The following PSMD8 variants were observed in gnomAD, a reference collection of about 807,000 sequenced individuals.
PSMD8 encodes proteasome 26S subunit, non-ATPase 8.
PSMD8 carries 30 observed loss-of-function variants against 40.0 expected under a neutral mutation model. The observed-to-expected ratio is 0.75, with a 90% CI of 0.56 to 1.02. PSMD8 has a LOEUF of 1.02. Among genes scored for constraint, PSMD8 ranks in the 50% least tolerant of loss-of-function variants. PSMD8 has a pLI of 0.00. For synonymous variants in PSMD8, 208 were observed against 192.5 expected (o/e 1.08, Z -0.67); for missense variants, 461 against 463.9 (o/e 0.99, Z 0.06).
intron 6 of PSMD8, chr19:38,382,983 C>G (rs936321617): frequency 4.8e-6 from 2 of 420,452 alleles, no homozygotes; most frequent in African/African-American, 3.9e-5. Context: ...ACTGATCTGT[C>G]ACTCAGGCCA....
chr19:38,376,270 G>A (rs1463835975), intron 2 of PSMD8, 38 bp downstream of exon 2: 1 of 1,557,810 alleles, frequency 6.4e-7, no homozygotes, highest in Non-Finnish European at 8.7e-7. Flanking sequence ...TGATAATCTG[G>A]GGGTCATGGC....
chr19:38,379,107 A>C (rs1970619801), intron 3 of PSMD8, 133 bp from the exon 4 acceptor site: 1 of 868,702 alleles, frequency 1.2e-6, no homozygotes, highest in African/African-American at 1.7e-5. Context: ...CAGTTTCCTC[A>C]TATGAAAACC....
chr19:38,382,429 C>T, intron 6 of PSMD8: 1 of 600,064 alleles, frequency 1.7e-6, no homozygotes, highest in Non-Finnish European at 3.0e-6. Flanking sequence ...GAGCTTAGTA[C>T]CTGGCAGCAG....
chr19:38,382,647 C>T (rs1013521743), intron 6 of PSMD8: 27 of 302,640 alleles, frequency 8.9e-5, no homozygotes, highest in African/African-American at 5.2e-4. Flanking sequence ...GGTGGATCCT[C>T]CCACCTAGGC....
At chr19:38,375,198 T>C in intron 1 of PSMD8, 2 of 647,976 alleles carry the variant, frequency 3.1e-6, no homozygotes, top group Non-Finnish European at 4.9e-6. Context: ...CGCAGCGCTT[T>C]GGGAGGCCGA....
chr19:38,380,408 C>G (rs1970629671), intron 4 of PSMD8, among the ~76,000 whole-genome samples: 1 of 152,146 alleles, frequency 6.6e-6, no homozygotes, highest in African/African-American at 2.4e-5. Flanking sequence ...GTTTTTGGAA[C>G]AAAGTGAGCA....
At chr19:38,382,021 A>G in intron 5 of PSMD8, 96 bp from the exon 6 acceptor site, 1 of 810,912 alleles carries the variant, frequency 1.2e-6, no homozygotes. Flanking sequence ...TCAGTGCTGA[A>G]CTCCAGGGTC....
rs557656952 is a variant in PSMD8 at position 38,379,706 on chromosome 19, C to T, written c.702+301C>T. ...TGCGCAGTCTGTCAGATGCTGAGTG[C>T]TGTGGAGAAAAAGCAGGAAGGAGGG... On this transcript the variant is annotated intron_variant, in intron 4 of 6. Transcript: ENST00000215071. Among the ~76,000 whole-genome samples, 136 of 151,972 alleles carry T rather than the reference C, an allele frequency of 8.9e-4. 1 individual carries two copies. The highest frequency in any genetic ancestry group is 3.1e-3 in the African/African-American group (130 of 41,454).
At chr19:38,381,640 C>T (rs1435988630) in intron 5 of PSMD8, among the ~76,000 whole-genome samples, 3 of 152,212 alleles carry the variant, frequency 2.0e-5, no homozygotes, top group African/African-American at 7.2e-5. Flanking sequence ...GGAGGCACTC[C>T]TCCCCATCAC....
chr19:38,376,123 CTTCTT>C (rs1568387243), intron 1 of PSMD8, 32 bp from the exon 2 acceptor site: 4 of 1,536,400 alleles, frequency 2.6e-6, no homozygotes, highest in Non-Finnish European at 3.6e-6. Context: ...TTTGAATTCC[CTTCTT>C]TTCTTTCTTC....
At chr19:38,383,126 G>T in intron 6 of PSMD8, 127 bp from the exon 7 acceptor site, 1 of 1,233,070 alleles carries the variant, frequency 8.1e-7, no homozygotes, top group Non-Finnish European at 1.1e-6. Context: ...CTTGTCAAGG[G>T]TCGTTGGGCA....
chr19:38,376,251 G>T lies in PSMD8; in HGVS notation c.433+19G>T, dbSNP rs1464170455. The T allele has an allele frequency of 6.3e-7, 1 of 1,581,874 alleles. No individual in the cohort carries two copies. Among genetic ancestry groups the T allele is most frequent in the African/African-American group, 1.3e-5 (1 of 74,162 alleles). ...CTGGCCCGTGAGTGTCACTGGGGTT[G>T]GTTGGGGGTGATAATCTGGGGGTCA... On this transcript the variant is annotated intron_variant, in intron 2 of 6. Coordinates refer to ENST00000215071, the MANE Select transcript of PSMD8 (RefSeq NM_002812.5).
chr19:38,380,707 A>AGAGAGAGG (rs1555743507), intron 4 of PSMD8, among the ~76,000 whole-genome samples, 192 bp from the exon 5 acceptor site: 1 of 120,884 alleles, frequency 8.3e-6, no homozygotes, highest in Admixed American at 8.4e-5. Flanking sequence ...AGAGAGAGAG[A>AGAGAGAGG]GTGTGTGTGT....
chr19:38,379,195 G>A, intron 3 of PSMD8, 45 bp from the exon 4 acceptor site: 1 of 1,592,662 alleles, frequency 6.3e-7, no homozygotes, highest in Non-Finnish European at 8.6e-7. Context: ...GGCTCGCTAG[G>A]CCCTTAAATC....
intron 6 of PSMD8, chr19:38,382,444 AG>A (rs1441304104): frequency 1.7e-6 from 1 of 593,480 alleles, no homozygotes; most frequent in Non-Finnish European, 3.0e-6. Context: ...CAGCAGCTGG[AG>A]GTGGGCGCTG....
At chr19:38,382,345 T>A in intron 6 of PSMD8, 117 bp downstream of exon 6, 1 of 808,656 alleles carries the variant, frequency 1.2e-6, no homozygotes, top group Non-Finnish European at 2.1e-6. Context: ...TTCAACTGTG[T>A]GACTCTAGGC....
rs1970597762 is a variant in PSMD8 at position 38,376,332 on chromosome 19, GCTCA to G, written c.434-16_434-13del. ...AAGAGACCTCAGTCACCTCCTGAGA[GCTCA>G]CTCTGTCACCCACAGGTGACATACT... On this transcript the variant is annotated splice_polypyrimidine_tract_variant and intron_variant, in intron 2 of 6. Transcript: ENST00000215071. 12 of 1,543,604 alleles carry G rather than the reference GCTCA, an allele frequency of 7.8e-6. No homozygotes were observed. Among genetic ancestry groups the G allele is most frequent in the Non-Finnish European group, 1.1e-5 (12 of 1,139,284 alleles).
At chr19:38,376,511 T>G in intron 3 of PSMD8, 57 bp downstream of exon 3, 1 of 1,394,980 alleles carries the variant, frequency 7.2e-7, no homozygotes, top group Non-Finnish European at 9.9e-7. Flanking sequence ...CTCCTTTATT[T>G]CTGGAGCTCT....
Position 38,374,964 on chromosome 19 carries a change from A to G in PSMD8, c.360+3A>G. ...GGGAAGAGCTGGGTCGACTCAAGGT[A>G]AAGTCGGCAGGCCCAGGAAACCGAG... is the stretch of plus-strand genomic sequence containing the variant. On this transcript the variant is annotated splice_donor_region_variant and intron_variant, in intron 1 of 6. Transcript: ENST00000215071. 6.4e-7 allele frequency: 1 copy of G among 1,554,272 alleles called. No individual in the cohort carries two copies. The highest frequency in any genetic ancestry group is 1.2e-5 in the South Asian group (1 of 85,372).
Sources: gnomAD v4.1 joint callset for allele counts (sites outside exome capture counted in the v4.1 genomes callset) on GRCh38, gnomAD v4.1.1 for gene constraint, MANE v1.5 for transcripts, NCBI Gene and HGNC (gene_info 2026-07-23, HGNC 2026-07-21) for gene names.